ADGRD1: variants seen among roughly 807,000 people sequenced by gnomAD.
ADGRD1 encodes adhesion G protein-coupled receptor D1.
In ADGRD1, 77 loss-of-function variants were observed where a neutral mutation model predicts 113.4. The ratio of observed to expected loss-of-function variants is 0.68; its 90% CI spans 0.57 to 0.82. ADGRD1 has a LOEUF of 0.82. Ranked by LOEUF, ADGRD1 falls within the 40% of genes least tolerant of loss-of-function variation. The pLI is 0.00. For missense variants in ADGRD1, 1,036 were observed against 1,139.1 expected, an observed-to-expected ratio of 0.91 and a Z score of 1.30; for synonymous variants, 474 against 475.0, an observed-to-expected ratio of 1.00 and a Z score of 0.03.
chr12:130,986,436 T>C (rs1184457816), intron 5 of ADGRD1, among the ~76,000 whole-genome samples: 1 of 152,250 alleles, frequency 6.6e-6, no homozygotes, highest in African/African-American at 2.4e-5. Flanking sequence ...TGTTTTTTAA[T>C]TGTAAATTCT....
Position 131,096,828 on chromosome 12 carries a change from T to C in ADGRD1, c.1672-8003T>C, listed in dbSNP as rs1162153724. On this transcript the variant is annotated intron_variant, in intron 15 of 24. Coordinates refer to ENST00000261654, the MANE Select transcript of ADGRD1 (RefSeq NM_198827.5). The surrounding 1 kb of genome is among the most constrained non-coding windows in gnomAD (Gnocchi z 5.2). ...CTGAGTTCCCAGTCATGTTGAGTCC[T>C]GGGTTCTGCTCTGAGATCCACCTGC... Among the ~76,000 whole-genome samples, 1 of 152,226 alleles carries C rather than the reference T, an allele frequency of 6.6e-6. No individual in the cohort carries two copies. The highest frequency in any genetic ancestry group is 1.5e-5 in the Non-Finnish European group (1 of 68,036).
rs576784873 is a variant in ADGRD1 at position 131,057,507 on chromosome 12, T to C, written c.1474-19294T>C. Among the ~76,000 whole-genome samples, 1 of 152,264 alleles carries C rather than the reference T, an allele frequency of 6.6e-6. No homozygotes were observed. The highest frequency in any genetic ancestry group is 2.1e-4 in the South Asian group (1 of 4,806). The stretch of plus-strand genomic sequence containing the variant: ...CAAAGGCGTTGGCAGAGCTAGTTCG[T>C]TCTGGAGGCTCAGCGGGAACGTCCA... On this transcript the variant is annotated intron_variant, in intron 13 of 24. Coordinates refer to ENST00000261654, the MANE Select transcript of ADGRD1 (RefSeq NM_198827.5). The surrounding 1 kb of genome is among the most constrained non-coding windows in gnomAD (Gnocchi z 4.2).
At chr12:131,120,161 C>T (rs936220417) in intron 19 of ADGRD1, among the ~76,000 whole-genome samples, 1 of 152,296 alleles carries the variant, frequency 6.6e-6, no homozygotes, top group East Asian at 1.9e-4. Context: ...CTGCGCCACG[C>T]ACCTGCCCAG....
intron 12 of ADGRD1, among the ~76,000 whole-genome samples, chr12:131,012,202 TA>T (rs774168299): frequency 1.3e-4 from 19 of 151,972 alleles, no homozygotes; most frequent in Non-Finnish European, 2.5e-4. Context: ...AAAAAATGTC[TA>T]AAAAGCCTCT....
At chr12:131,085,646 C>T (rs555470878) in intron 15 of ADGRD1, among the ~76,000 whole-genome samples, 124 of 152,330 alleles carry the variant, frequency 8.1e-4, no homozygotes, top group South Asian at 3.5e-3. Context: ...ACACTCACGT[C>T]TGTCGGTTGC....
At chr12:131,017,616 CACAA>C (rs577912569) in intron 13 of ADGRD1, among the ~76,000 whole-genome samples, 210 of 150,074 alleles carry the variant, frequency 1.4e-3, no homozygotes, top group African/African-American at 4.9e-3. Context: ...ACACCCAGCA[CACAA>C]ACACCTAGTG....
chr12:131,135,564 G>A (rs1011219618), intron 21 of ADGRD1, among the ~76,000 whole-genome samples: 2 of 152,200 alleles, frequency 1.3e-5, no homozygotes, highest in African/African-American at 4.8e-5. Flanking sequence ...AGCCCAGTGA[G>A]GCCTGGAGAA....
intron 15 of ADGRD1, among the ~76,000 whole-genome samples, chr12:131,097,970 C>T (rs576709405): frequency 3.7e-4 from 57 of 152,212 alleles, no homozygotes; most frequent in Non-Finnish European, 7.6e-4. Flanking sequence ...AGCCTCCTGC[C>T]TGGGCTCCTG....
intron 8 of ADGRD1, among the ~76,000 whole-genome samples, chr12:130,996,240 A>T (rs1291044479): frequency 7.1e-6 from 1 of 141,118 alleles, no homozygotes; most frequent in Non-Finnish European, 1.5e-5. Flanking sequence ...CCCCCTTTCT[A>T]TTCCACAAAG....
At chr12:131,026,032 C>T (rs10848266) in intron 13 of ADGRD1, 37,516 of 152,250 alleles carry the variant, frequency 0.25, 5,362 homozygotes, top group South Asian at 0.4. Flanking sequence ...TCACTGTGCC[C>T]GGTTCATGTC....
chr12:131,006,126 C>T (rs1877083647), intron 12 of ADGRD1, 79 bp downstream of exon 12: 3 of 1,171,134 alleles, frequency 2.6e-6, no homozygotes, highest in African/African-American at 1.5e-5. Context: ...GATGCCCGCC[C>T]CACACGCACA....
At chr12:131,110,358 T>A (rs1180235841) in intron 18 of ADGRD1, among the ~76,000 whole-genome samples, 1 of 26,070 alleles carries the variant, frequency 3.8e-5, no homozygotes. Context: ...TTTTTTCACT[T>A]TTTTTTTTTG....
intron 13 of ADGRD1, among the ~76,000 whole-genome samples, chr12:131,055,839 C>G (rs1883822256): frequency 1.3e-5 from 2 of 152,214 alleles, no homozygotes; most frequent in Non-Finnish European, 2.9e-5. Flanking sequence ...TTCCCCCATT[C>G]TTTTCTAAGT....
chr12:130,981,965 C>A lies in ADGRD1; in HGVS notation c.392C>A (p.Ser131Tyr). 5 of 1,613,726 alleles carry A rather than the reference C, an allele frequency of 3.1e-6. No individual in the cohort carries two copies. The highest frequency in any genetic ancestry group is 4.2e-6 in the Non-Finnish European group (5 of 1,179,638). Residue 131 changes from serine (S) to tyrosine (Y), a missense_variant, in exon 5 of 25, where the codon TCC becomes TAC. Transcript: ENST00000261654. ...IPSAYGGQVISNGFKVCSSGG... is the reference protein window; with the variant it reads ...IPSAYGGQVIYNGFKVCSSGG... ...TCTGCGTATGGGGGACAGGTCATCTCCAATGGGTTCAAAGTCTGCTCCAGC... is the reference window on the plus strand; with the variant it reads ...TCTGCGTATGGGGGACAGGTCATCTACAATGGGTTCAAAGTCTGCTCCAGC...
At chr12:131,112,996 G>A (rs760472649) in intron 18 of ADGRD1, among the ~76,000 whole-genome samples, 1 of 152,148 alleles carries the variant, frequency 6.6e-6, no homozygotes, top group Non-Finnish European at 1.5e-5. Flanking sequence ...TGAGAAATGC[G>A]GGCAGCCTTC....
At chr12:131,129,417 G>A (rs1178400884) in intron 20 of ADGRD1, among the ~76,000 whole-genome samples, 1 of 105,276 alleles carries the variant, frequency 9.5e-6, no homozygotes. Context: ...CTGGGTGTGA[G>A]TGACAGGCCC....
chr12:131,065,320 G>A (rs1884635085), intron 13 of ADGRD1, among the ~76,000 whole-genome samples: 1 of 152,340 alleles, frequency 6.6e-6, no homozygotes, highest in African/African-American at 2.4e-5. Context: ...TGCCAGGTTT[G>A]ATTTCTGAAC....
chr12:131,042,087 A>G (rs2136989182), intron 13 of ADGRD1, among the ~76,000 whole-genome samples: 1 of 152,318 alleles, frequency 6.6e-6, no homozygotes, highest in African/African-American at 2.4e-5. Flanking sequence ...AGGTGAGGAA[A>G]GGGGGCCACT....
chr12:131,057,729 A>G lies in ADGRD1; in HGVS notation c.1474-19072A>G, dbSNP rs1379974215. On this transcript the variant is annotated intron_variant, in intron 13 of 24. Transcript: ENST00000261654. This position sits in a 1 kb window ranked among gnomAD's most constrained non-coding sequence, Gnocchi z 4.2. ...CATTAATGACATCTGCAAGGACCCC[A>G]TTTCCAAATAGGGTCACATTCTGAG... Among the ~76,000 whole-genome samples, 5 of 152,108 alleles carry G rather than the reference A, an allele frequency of 3.3e-5. No homozygotes were observed. The highest frequency in any genetic ancestry group is 7.4e-5 in the Non-Finnish European group (5 of 68,022).
Sources: gnomAD v4.1 joint callset for allele counts (sites outside exome capture counted in the v4.1 genomes callset) on GRCh38, gnomAD v4.1.1 for gene constraint, Gnocchi (gnomAD v3.1) non-coding constraint, MANE v1.5 for transcripts, NCBI Gene and HGNC (gene_info 2026-07-23, HGNC 2026-07-21) for gene names.